Variants in FMNL2 observed in about 807,000 individuals in gnomAD.
The protein encoded by FMNL2 is formin like 2.
In FMNL2, 51 loss-of-function variants were observed where a neutral mutation model predicts 130.2. The ratio of observed to expected loss-of-function variants is 0.39; its 90% CI spans 0.31 to 0.49. The LOEUF (loss-of-function observed/expected upper bound fraction) is 0.49, where lower values mean the gene tolerates loss of function less well. FMNL2 is among the 20% of genes least tolerant of loss of function. The pLI is 0.85. For missense variants in FMNL2, 977 were observed against 1,316.2 expected (o/e 0.74, Z 3.99); for synonymous variants, 465 against 467.1 (o/e 1.00, Z 0.06).
At chr2:152,489,633 T>A (rs191878874) in intron 1 of FMNL2, among the ~76,000 whole-genome samples, 1 of 152,222 alleles carries the variant, frequency 6.6e-6, no homozygotes, top group African/African-American at 2.4e-5. Flanking sequence ...AGCAAAAGGC[T>A]TGGAGGAGGC....
chr2:152,638,997 T>C (rs552044388), intron 23 of FMNL2, among the ~76,000 whole-genome samples: 4 of 152,336 alleles, frequency 2.6e-5, no homozygotes, highest in African/African-American at 4.8e-5. Context: ...TGGTCTGGGC[T>C]GTGTTGGAGG....
At chr2:152,396,959 C>T (rs1685427349) in intron 1 of FMNL2, among the ~76,000 whole-genome samples, 1 of 152,198 alleles carries the variant, frequency 6.6e-6, no homozygotes, top group South Asian at 2.1e-4. Context: ...AAGTGGAATG[C>T]ACTTGGCATG....
At chr2:152,518,206 C>G (rs544453983) in intron 1 of FMNL2, among the ~76,000 whole-genome samples, 1 of 152,146 alleles carries the variant, frequency 6.6e-6, no homozygotes, top group Non-Finnish European at 1.5e-5. Context: ...TGAACTTTAA[C>G]CAGACCTCTG....
intron 3 of FMNL2, among the ~76,000 whole-genome samples, chr2:152,544,721 T>C (rs371243823): frequency 2.6e-5 from 4 of 152,058 alleles, no homozygotes; most frequent in South Asian, 2.1e-4. Flanking sequence ...TTTTTCCAGT[T>C]CTGAATAGAA....
At chr2:152,472,818 T>C (rs1689931101) in intron 1 of FMNL2, among the ~76,000 whole-genome samples, 1 of 152,210 alleles carries the variant, frequency 6.6e-6, no homozygotes, top group Admixed American at 6.5e-5. Context: ...CTAAGTTTCC[T>C]GTCTGTAAAG....
intron 1 of FMNL2, among the ~76,000 whole-genome samples, chr2:152,500,831 A>C (rs1380565153): frequency 6.6e-6 from 1 of 152,136 alleles, no homozygotes; most frequent in Non-Finnish European, 1.5e-5. Flanking sequence ...GCCTGGGTAA[A>C]ACAAACAAAA....
intron 25 of FMNL2, among the ~76,000 whole-genome samples, chr2:152,644,173 A>C (rs1325393813): frequency 2.0e-5 from 3 of 152,160 alleles, no homozygotes; most frequent in Non-Finnish European, 2.9e-5. Context: ...GTGAGTGGAG[A>C]TCCCACCAAT....
intron 1 of FMNL2, among the ~76,000 whole-genome samples, chr2:152,495,489 A>G (rs1389364686): frequency 6.6e-6 from 1 of 151,606 alleles, no homozygotes; most frequent in Non-Finnish European, 1.5e-5. Flanking sequence ...GTCTGTAATA[A>G]AAATATAAAA....
chr2:152,555,322 T>C (rs868644901), intron 4 of FMNL2, among the ~76,000 whole-genome samples: 16 of 152,302 alleles, frequency 1.1e-4, no homozygotes, highest in Middle Eastern at 6.8e-3. Context: ...ATCCACACAG[T>C]GCTTCTTTCT....
rs1027680515 is a variant in FMNL2, at chr2:152,418,508, A to G, written c.117+82788A>G. ...ACCACTGTTCTCCTTCTCAGTCCCC[A>G]TGAATATGCCTATTCAATGTAACTC... is the stretch of plus-strand genomic sequence containing the variant. On this transcript the variant is annotated intron_variant, in intron 1 of 25. Transcript: ENST00000288670. Among the ~76,000 whole-genome samples the G allele has an allele frequency of 3.3e-5, 5 of 152,012 alleles. No individual in the cohort carries two copies. The South Asian group carries it at 6.2e-4, about 19-fold the overall frequency.
chr2:152,646,114 G>A (rs1478175735), intron 25 of FMNL2, among the ~76,000 whole-genome samples: 4 of 148,586 alleles, frequency 2.7e-5, no homozygotes, highest in African/African-American at 5.0e-5. Flanking sequence ...AATCTGTTGA[G>A]TTCAAGATCA....
chr2:152,368,736 A>C (rs1161249365), intron 1 of FMNL2, among the ~76,000 whole-genome samples: 1 of 152,216 alleles, frequency 6.6e-6, no homozygotes, highest in Non-Finnish European at 1.5e-5. Flanking sequence ...GAGACTATTA[A>C]AAGTCACTCA....
chr2:152,424,454 G>A (rs778384107), intron 1 of FMNL2, among the ~76,000 whole-genome samples: 6 of 149,430 alleles, frequency 4.0e-5, no homozygotes, highest in Non-Finnish European at 8.9e-5. Flanking sequence ...GCAGTGGCAT[G>A]ATCTTGGCTC....
intron 1 of FMNL2, among the ~76,000 whole-genome samples, chr2:152,416,844 C>CAT (rs1459909538): frequency 2.6e-5 from 4 of 152,334 alleles, no homozygotes; most frequent in Non-Finnish European, 5.9e-5. Context: ...AACAACATAA[C>CAT]AAACTCTAAC....
At chr2:152,463,267 A>C (rs1689349876) in intron 1 of FMNL2, among the ~76,000 whole-genome samples, 1 of 152,200 alleles carries the variant, frequency 6.6e-6, no homozygotes, top group African/African-American at 2.4e-5. Context: ...ATAGTTTTTA[A>C]AATTGAGCCA....
At chr2:152,540,161 T>G (rs1054582578) in intron 2 of FMNL2, among the ~76,000 whole-genome samples, 9 of 152,172 alleles carry the variant, frequency 5.9e-5, no homozygotes, top group Non-Finnish European at 1.3e-4. Context: ...TGATATGTGT[T>G]TGGCATCAGC....
chr2:152,507,484 A>G (rs1039378010), intron 1 of FMNL2, among the ~76,000 whole-genome samples: 9 of 152,218 alleles, frequency 5.9e-5, no homozygotes, highest in Non-Finnish European at 8.8e-5. Context: ...GATTTTCATA[A>G]CAATCCTGCT....
chr2:152,538,756 C>T (rs944278435), intron 2 of FMNL2, among the ~76,000 whole-genome samples: 15 of 152,152 alleles, frequency 9.9e-5, no homozygotes, highest in African/African-American at 3.6e-4. Flanking sequence ...CTTGGGGTTG[C>T]CTGTCTAATA....
chr2:152,443,765 C>T (rs942472808), intron 1 of FMNL2, among the ~76,000 whole-genome samples: 1 of 152,088 alleles, frequency 6.6e-6, no homozygotes. Flanking sequence ...ATTGCTTGAA[C>T]CCGGGAGGCA....
Sources: allele counts gnomAD v4.1 joint callset (sites outside exome capture counted in the v4.1 genomes callset), GRCh38; gene constraint gnomAD v4.1.1; transcripts MANE v1.5; gene names NCBI Gene and HGNC (gene_info 2026-07-23, HGNC 2026-07-21).